The following SHISA6 variants were observed in gnomAD, a reference collection of about 807,000 sequenced individuals.
The protein encoded by SHISA6 is shisa family member 6.
Under a neutral mutation model 47.9 loss-of-function variants are expected in SHISA6, and 22 were observed. That is an observed-to-expected ratio of 0.46 (90% confidence interval 0.33 to 0.66). SHISA6 has a LOEUF of 0.66. Ranked by LOEUF, SHISA6 falls within the 30% of genes least tolerant of loss-of-function variation. SHISA6 has a pLI of 0.02. For synonymous variants in SHISA6, 388 were observed against 337.8 expected (o/e 1.15, Z -1.63); for missense variants, 680 against 764.6 (o/e 0.89, Z 1.30).
intron 4 of SHISA6, among the ~76,000 whole-genome samples, chr17:11,552,678 A>G (rs2142388242): frequency 6.6e-6 from 1 of 152,350 alleles, no homozygotes; most frequent in South Asian, 2.1e-4. Context: ...GATAAATCCT[A>G]CAGGCTACCT....
chr17:11,332,536 A>T (rs1270298854), intron 2 of SHISA6, among the ~76,000 whole-genome samples: 1 of 152,162 alleles, frequency 6.6e-6, no homozygotes, highest in Non-Finnish European at 1.5e-5. Context: ...GATGTGTCCC[A>T]CATCCCATGA....
intron 3 of SHISA6, among the ~76,000 whole-genome samples, chr17:11,544,804 C>CA (rs1029984172): frequency 6.6e-6 from 1 of 151,514 alleles, no homozygotes; most frequent in East Asian, 1.9e-4. Context: ...ACTAAAAATA[C>CA]AAAAAAATTA....
intron 2 of SHISA6, among the ~76,000 whole-genome samples, chr17:11,343,713 G>T (rs1048028954): frequency 8.5e-5 from 13 of 152,252 alleles, no homozygotes; most frequent in Non-Finnish European, 1.8e-4. Flanking sequence ...AAAGCACCAG[G>T]TGCAGCTGAG....
intron 3 of SHISA6, among the ~76,000 whole-genome samples, chr17:11,498,891 T>C (rs1379886668): frequency 6.6e-6 from 1 of 152,214 alleles, no homozygotes; most frequent in African/African-American, 2.4e-5. Context: ...AGAAAGTGCT[T>C]AGCACACAGT....
intron 3 of SHISA6, among the ~76,000 whole-genome samples, chr17:11,381,545 T>C (rs56405810): frequency 0.025 from 3,728 of 152,122 alleles, 140 homozygotes; most frequent in African/African-American, 0.084. Context: ...ATTGGGGAAG[T>C]AGAAAGGAGG....
Position 11,558,306 on chromosome 17 carries a change from C to G in SHISA6, c.*2C>G, listed in dbSNP as rs143963550. The G allele has an allele frequency of 7.8e-6, 12 of 1,536,082 alleles. No individual in the cohort carries two copies. The highest frequency in any genetic ancestry group is 3.6e-5 in the South Asian group (3 of 83,714). On this transcript the variant is annotated 3_prime_UTR_variant, in exon 6 of 6. Transcript: ENST00000441885. The stretch of plus-strand genomic sequence containing the variant: ...AGCAAGACCGAAGTGACCGTGTGAC[C>G]GGCGGGGCAGGGCCGGGGCTGCTGG...
chr17:11,311,025 T>A (rs954590141), intron 2 of SHISA6, among the ~76,000 whole-genome samples: 1 of 144,542 alleles, frequency 6.9e-6, no homozygotes, highest in African/African-American at 2.6e-5. Context: ...GAGAATGGCG[T>A]GAACCCAGGA....
chr17:11,293,929 G>A (rs1256900246), intron 2 of SHISA6, among the ~76,000 whole-genome samples: 5 of 150,988 alleles, frequency 3.3e-5, no homozygotes, highest in South Asian at 2.1e-4. Context: ...CTCTCTCATC[G>A]GGCTGGAATG....
intron 2 of SHISA6, among the ~76,000 whole-genome samples, chr17:11,365,100 GGTA>G (rs1286736970): frequency 6.6e-6 from 1 of 151,972 alleles, no homozygotes; most frequent in Non-Finnish European, 1.5e-5. Flanking sequence ...GATTAAATGA[GGTA>G]GTGATTACAA....
chr17:11,327,943 C>G (rs1387600892), intron 2 of SHISA6, among the ~76,000 whole-genome samples: 1 of 143,500 alleles, frequency 7.0e-6, no homozygotes, highest in Non-Finnish European at 1.5e-5. Context: ...CTCTCTGTCT[C>G]TCTGTCTCTC....
At chr17:11,479,221 G>C (rs1458639547) in intron 3 of SHISA6, among the ~76,000 whole-genome samples, 1 of 152,044 alleles carries the variant, frequency 6.6e-6, no homozygotes, top group African/African-American at 2.4e-5. Flanking sequence ...CTGGGTGACA[G>C]AGTGAGACTC....
At chr17:11,350,225 G>A (rs1194549022) in intron 2 of SHISA6, among the ~76,000 whole-genome samples, 4 of 107,688 alleles carry the variant, frequency 3.7e-5, no homozygotes, top group East Asian at 2.8e-4. Flanking sequence ...TGTCGCCCAG[G>A]CTGGAGTGCA....
At chr17:11,530,855 G>A (rs550669499) in intron 3 of SHISA6, among the ~76,000 whole-genome samples, 6 of 152,268 alleles carry the variant, frequency 3.9e-5, no homozygotes, top group African/African-American at 1.2e-4. Context: ...AATGATGGCC[G>A]ACGTTTCTCA....
intron 2 of SHISA6, among the ~76,000 whole-genome samples, chr17:11,364,507 T>C (rs1245543789): frequency 6.6e-6 from 1 of 152,264 alleles, no homozygotes; most frequent in Non-Finnish European, 1.5e-5. Flanking sequence ...TCACACTTTT[T>C]GAAGTATTTC....
chr17:11,444,936 T>C (rs1915191038), intron 3 of SHISA6, among the ~76,000 whole-genome samples: 1 of 152,214 alleles, frequency 6.6e-6, no homozygotes, highest in African/African-American at 2.4e-5. Flanking sequence ...ATTTTCTTGA[T>C]GCTAAATTCT....
At chr17:11,450,405 C>T (rs950201711) in intron 3 of SHISA6, among the ~76,000 whole-genome samples, 3 of 151,686 alleles carry the variant, frequency 2.0e-5, no homozygotes, top group Admixed American at 6.6e-5. Flanking sequence ...GCCTGTAATC[C>T]GGGCACTTTG....
chr17:11,271,271 CTTCTCAGTGGCTTTT>C, intron 2 of SHISA6, among the ~76,000 whole-genome samples: 1 of 152,050 alleles, frequency 6.6e-6, no homozygotes, highest in African/African-American at 2.4e-5. Context: ...CAGCCATGAC[CTTCTCAGTGGCTTTT>C]TTCTATCACT....
intron 3 of SHISA6, among the ~76,000 whole-genome samples, chr17:11,445,568 G>A (rs2142300865): frequency 6.6e-6 from 1 of 152,282 alleles, no homozygotes; most frequent in South Asian, 2.1e-4. Flanking sequence ...TAGGCCATGA[G>A]ACAATTATTC....
At chr17:11,379,540 C>T (rs182332112) in intron 3 of SHISA6, 31 bp downstream of exon 3, 79 of 1,451,202 alleles carry the variant, frequency 5.4e-5, no homozygotes, top group Admixed American at 3.0e-4. Context: ...TACTAAAATA[C>T]AGAGGTTGCC....
Sources: allele counts gnomAD v4.1 joint callset (sites outside exome capture counted in the v4.1 genomes callset), GRCh38; gene constraint gnomAD v4.1.1; transcripts MANE v1.5; gene names NCBI Gene and HGNC (gene_info 2026-07-23, HGNC 2026-07-21).